CA1: variants seen among roughly 807,000 people sequenced by gnomAD.
CA1 encodes the protein carbonate dehydratase I.
Under a neutral mutation model 28.8 loss-of-function variants are expected in CA1, and 27 were observed. The observed-to-expected ratio is 0.94, with a 90% CI of 0.69 to 1.29. CA1 has a LOEUF of 1.29. CA1 is among the 50% of genes most tolerant of loss of function. CA1 has a pLI of 0.00. For missense variants in CA1, 335 were observed against 310.5 expected, an observed-to-expected ratio of 1.08 and a Z score of -0.59; for synonymous variants, 121 against 108.8, an observed-to-expected ratio of 1.11 and a Z score of -0.70.
At chr8:85,360,427 C>T (rs1482999956) in intron 1 of CA1, among the ~76,000 whole-genome samples, 1 of 152,210 alleles carries the variant, frequency 6.6e-6, no homozygotes, top group Non-Finnish European at 1.5e-5. Context: ...TGTAGTGGCT[C>T]AGGCCCATAA....
chr8:85,331,036 G>A (rs1487473214), intron 6 of CA1, among the ~76,000 whole-genome samples: 2 of 152,092 alleles, frequency 1.3e-5, no homozygotes, highest in East Asian at 3.8e-4. Context: ...TGGCATGATT[G>A]TTTCTTAAAA....
At chr8:85,360,877 C>T (rs951696353) in intron 1 of CA1, among the ~76,000 whole-genome samples, 5 of 152,150 alleles carry the variant, frequency 3.3e-5, no homozygotes, top group Non-Finnish European at 5.9e-5. Context: ...GCTTCTTCCT[C>T]CTAAACATAA....
At chr8:85,344,244 T>G (rs1465838892) in intron 1 of CA1, among the ~76,000 whole-genome samples, 4 of 93,362 alleles carry the variant, frequency 4.3e-5, no homozygotes, top group Non-Finnish European at 7.3e-5. Context: ...TAATATATAA[T>G]TATATATTAT....
At chr8:85,362,770 T>G (rs1046810249) in intron 1 of CA1, among the ~76,000 whole-genome samples, 2 of 152,244 alleles carry the variant, frequency 1.3e-5, no homozygotes, top group Non-Finnish European at 2.9e-5. Context: ...TTGGCTGTAG[T>G]TGATGTAGCA....
At chr8:85,370,116 T>C (rs779425306) in intron 1 of CA1, among the ~76,000 whole-genome samples, 29 of 152,222 alleles carry the variant, frequency 1.9e-4, no homozygotes, top group African/African-American at 6.5e-4. Flanking sequence ...GGCACAGCCA[T>C]AGAATAGGTT....
At position 85,329,898 on chromosome 8, in the gene CA1, T is replaced by C. The variant is rs933228156; in HGVS notation, c.514-54A>G. On this transcript the variant is annotated intron_variant, in intron 6 of 7. Coordinates refer to ENST00000523022, the MANE Select transcript of CA1 (RefSeq NM_001128831.4). Reference sequence around the variant, plus strand: ...ATGATATAAAATACTTATATGAATATATGTGACATATATATGCTATATTAT... The same window carrying C: ...ATGATATAAAATACTTATATGAATACATGTGACATATATATGCTATATTAT... The C allele has an allele frequency of 5.4e-6, 7 of 1,306,514 alleles. No individual in the cohort carries two copies. In the Middle Eastern group the frequency reaches 7.3e-4, roughly 137 times the overall value. The allele number at this position is 1,306,514 out of a possible 1,614,324, so 80.9% of individuals were successfully genotyped here.
At chr8:85,372,734 T>G (rs1401236399) in intron 1 of CA1, among the ~76,000 whole-genome samples, 1 of 152,190 alleles carries the variant, frequency 6.6e-6, no homozygotes, top group African/African-American at 2.4e-5. Flanking sequence ...ACGTTTTCAA[T>G]TGCATGCCAT....
intron 1 of CA1, among the ~76,000 whole-genome samples, chr8:85,366,161 T>TC (rs201078609): frequency 2.4e-3 from 289 of 118,890 alleles, no homozygotes; most frequent in Non-Finnish European, 3.7e-3. Flanking sequence ...TGCTCTTTCT[T>TC]CCCCTTTTTT....
Position 85,330,817 on chromosome 8 carries a change from A to C in CA1, c.514-973T>G, listed in dbSNP as rs538168881. Among the ~76,000 whole-genome samples the C allele has an allele frequency of 2.0e-5, 3 of 152,298 alleles. No individual in the cohort carries two copies. In the East Asian group the frequency reaches 5.8e-4, roughly 29 times the overall value. ...TTTTTGGGATAAACTCTACTAGTTC[A>C]GAAACTACTCTTTTAAAACACTGTT... On this transcript the variant is annotated intron_variant, in intron 6 of 7. Transcript: ENST00000523022.
intron 4 of CA1, among the ~76,000 whole-genome samples, chr8:85,333,920 GACTA>G (rs1201949617): frequency 6.6e-6 from 1 of 152,138 alleles, no homozygotes; most frequent in Non-Finnish European, 1.5e-5. Flanking sequence ...CAGGAAATAT[GACTA>G]ACTAGTTTTT....
chr8:85,333,585 G>A lies in CA1; in HGVS notation c.390C>T (p.Ser130=). The A allele has an allele frequency of 6.2e-7, 1 of 1,612,502 alleles. No individual in the cohort carries two copies. Among genetic ancestry groups the A allele is most frequent in the South Asian group, 1.1e-5 (1 of 91,042 alleles). The change falls in exon 5 of 8, where the codon TCC becomes TCT. Residue 130 remains serine, a synonymous_variant. Transcript: ENST00000523022. Reference sequence around the variant, plus strand: ...CCTTTGAGGCAGCTTCAGCAAGGCTGGAGTACTTTGCAGAATTCCAGTGAG... The same window carrying A: ...CCTTTGAGGCAGCTTCAGCAAGGCTAGAGTACTTTGCAGAATTCCAGTGAG... ...HVAHWNSAKY[S]SLAEAASKAD...
intron 1 of CA1, among the ~76,000 whole-genome samples, chr8:85,350,174 G>A (rs141939378): frequency 1.2e-3 from 179 of 152,246 alleles, no homozygotes; most frequent in African/African-American, 4.2e-3. Flanking sequence ...TTCTAAGATG[G>A]GTTTAGCTCT....
At chr8:85,333,126 T>C (rs527833956) in intron 5 of CA1, among the ~76,000 whole-genome samples, 1 of 152,298 alleles carries the variant, frequency 6.6e-6, no homozygotes, top group South Asian at 2.1e-4. Flanking sequence ...AGATATTAAA[T>C]TGATAAATTT....
At chr8:85,375,177 C>T (rs1162361298) in intron 1 of CA1, among the ~76,000 whole-genome samples, 1 of 152,176 alleles carries the variant, frequency 6.6e-6, no homozygotes, top group Non-Finnish European at 1.5e-5. Flanking sequence ...CTAAGTCTGT[C>T]TCACTCCAAC....
chr8:85,351,086 AT>A (rs1394593983), intron 1 of CA1, among the ~76,000 whole-genome samples: 3 of 152,052 alleles, frequency 2.0e-5, no homozygotes, highest in African/African-American at 4.8e-5. Context: ...ATCCACATTT[AT>A]TTTTGTGTGT....
intron 6 of CA1, among the ~76,000 whole-genome samples, chr8:85,332,174 A>G (rs549659558): frequency 6.6e-6 from 1 of 152,296 alleles, no homozygotes; most frequent in South Asian, 2.1e-4. Context: ...AGATATCTTT[A>G]TTTATCAAAT....
chr8:85,346,889 A>G (rs1185363971), intron 1 of CA1, among the ~76,000 whole-genome samples: 1 of 152,240 alleles, frequency 6.6e-6, no homozygotes, highest in Admixed American at 6.5e-5. Context: ...CAGTGAAAAT[A>G]TTGCATGTGG....
intron 2 of CA1, among the ~76,000 whole-genome samples, chr8:85,340,616 AT>A (rs575387644): frequency 7.9e-5 from 12 of 152,232 alleles, no homozygotes; most frequent in South Asian, 4.2e-4. Context: ...ATAGATAATA[AT>A]TTTTTTTATG....
chr8:85,361,323 G>A (rs1809786580), intron 1 of CA1, among the ~76,000 whole-genome samples: 1 of 152,114 alleles, frequency 6.6e-6, no homozygotes, highest in South Asian at 2.1e-4. Flanking sequence ...TACCCAAGAA[G>A]GTAAGCACTG....
Sources: allele counts gnomAD v4.1 joint callset (sites outside exome capture counted in the v4.1 genomes callset), GRCh38; gene constraint gnomAD v4.1.1; transcripts MANE v1.5; gene names NCBI Gene and HGNC (gene_info 2026-07-23, HGNC 2026-07-21).